The following SREK1 variants were observed in gnomAD, a reference collection of about 807,000 sequenced individuals.
SREK1 encodes splicing regulatory glutamine/lysine-rich protein 1.
SREK1 carries 13 observed loss-of-function variants against 66.5 expected under a neutral mutation model. That is an observed-to-expected ratio of 0.20 (90% CI 0.13 to 0.31). The LOEUF is 0.31. SREK1 is among the 10% of genes least tolerant of loss of function. The pLI is 1.00. For synonymous variants in SREK1, 265 were observed against 263.5 expected (o/e 1.01, Z -0.05); for missense variants, 607 against 769.6 (o/e 0.79, Z 2.50).
At chr5:66,169,157 G>GA (rs372497303) in intron 7 of SREK1, 60 of 152,254 alleles carry the variant, frequency 3.9e-4, no homozygotes, top group African/African-American at 1.3e-3. Flanking sequence ...ACCTCGTTAT[G>GA]AAAAAAATCA....
In SREK1 at chr5:66,149,388, A is replaced by T. The variant is rs913752910; in HGVS notation, c.162-4075A>T. ...AAAGAAAAGAAAAGAAAATTGCTTA[A>T]ATCAGTGGAGTAGCCGTACCTAATA... is the stretch of plus-strand genomic sequence containing the variant. On this transcript the variant is annotated intron_variant, in intron 1 of 11. Coordinates refer to ENST00000334121, the MANE Select transcript of SREK1 (RefSeq NM_001077199.3). 2.6e-5 allele frequency among the ~76,000 whole-genome samples: 4 copies of T among 152,258 alleles called. No homozygotes were observed. In the South Asian group the frequency reaches 8.3e-4, roughly 32 times the overall value.
intron 2 of SREK1, among the ~76,000 whole-genome samples, chr5:66,154,295 A>AT (rs1744100290): frequency 6.6e-6 from 1 of 152,198 alleles, no homozygotes; most frequent in Admixed American, 6.5e-5. Context: ...TATTACTAAT[A>AT]TTTTTTAGTA....
rs146231509 is a variant in SREK1, at chr5:66,172,983, C to T, written c.1485-1963C>T. On this transcript the variant is annotated intron_variant, in intron 9 of 11. Coordinates refer to ENST00000334121, the MANE Select transcript of SREK1 (RefSeq NM_001077199.3). ...TAGCTGGAATTACAGGCGTGTGCCACCACACTCAACTGATTTTTGTATTTT... is the reference window on the plus strand; with the variant it reads ...TAGCTGGAATTACAGGCGTGTGCCATCACACTCAACTGATTTTTGTATTTT... 1.5e-3 allele frequency among the ~76,000 whole-genome samples: 232 copies of T among 151,928 alleles called. 1 individual carries two copies. Among genetic ancestry groups the T allele is most frequent in the African/African-American group, 5.3e-3 (218 of 41,432 alleles).
intron 8 of SREK1, 139 bp downstream of exon 8, chr5:66,170,309 A>T: frequency 8.3e-7 from 1 of 1,203,750 alleles, no homozygotes; most frequent in Non-Finnish European, 1.1e-6. Flanking sequence ...AACCTTTTTT[A>T]TTGTTTTAGT....
At chr5:66,157,307 A>G in intron 2 of SREK1, 1 of 984,266 alleles carries the variant, frequency 1.0e-6, no homozygotes, top group Non-Finnish European at 1.2e-6. Context: ...AGTGTTGAAT[A>G]CCCTTTTTGT....
At chr5:66,176,124 G>A (rs1218420917) in intron 10 of SREK1, among the ~76,000 whole-genome samples, 1 of 152,030 alleles carries the variant, frequency 6.6e-6, no homozygotes, top group Non-Finnish European at 1.5e-5. Flanking sequence ...TGGCAAATGG[G>A]TTCAGTTTTA....
intron 11 of SREK1, 55 bp from the exon 12 acceptor site, chr5:66,178,664 T>C (rs901884588): frequency 6.8e-7 from 1 of 1,465,010 alleles, no homozygotes; most frequent in Middle Eastern, 1.8e-4. Flanking sequence ...TTTGTCGTCA[T>C]AGCAGGCAGT....
intron 6 of SREK1, chr5:66,164,497 T>G (rs1489492415): frequency 8.7e-7 from 1 of 1,143,184 alleles, no homozygotes; most frequent in Non-Finnish European, 1.2e-6. Flanking sequence ...GAGAAAGGAC[T>G]TAAAATCACT....
Position 66,182,171 on chromosome 5 carries a change from A to G in SREK1, c.*3303A>G, listed in dbSNP as rs1252191515. 1 of 149,676 alleles carries G rather than the reference A, an allele frequency of 6.7e-6. No individual in the cohort carries two copies. Among genetic ancestry groups the G allele is most frequent in the East Asian group, 2.1e-4 (1 of 4,754 alleles). The allele number at this position is 149,676 out of a possible 1,614,324, so 9.3% of individuals were successfully genotyped here. On this transcript the variant is annotated 3_prime_UTR_variant, in exon 12 of 12. Transcript: ENST00000334121. ...AATCCCTTTGGAGGGATGGCATTGA[A>G]TAACTTATAATTTCAGTGAATCATT...
chr5:66,151,003 G>C (rs973670065), intron 1 of SREK1, among the ~76,000 whole-genome samples: 1 of 152,062 alleles, frequency 6.6e-6, no homozygotes, highest in Non-Finnish European at 1.5e-5. Flanking sequence ...ACCACACCCA[G>C]CTAATTTTTG....
intron 2 of SREK1, among the ~76,000 whole-genome samples, chr5:66,154,294 T>TA (rs1744100034): frequency 6.6e-6 from 1 of 152,220 alleles, no homozygotes; most frequent in African/African-American, 2.4e-5. Flanking sequence ...TTATTACTAA[T>TA]ATTTTTTAGT....
rs1187928883 is a variant in SREK1 at position 66,180,179 on chromosome 5, G to A, written c.*1311G>A. The A allele has an allele frequency of 6.6e-6, 1 of 152,408 alleles. No homozygotes were observed. The highest frequency in any genetic ancestry group is 1.5e-5 in the Non-Finnish European group (1 of 67,958). The allele number at this position is 152,408 out of a possible 1,614,324, so 9.4% of individuals were successfully genotyped here. ...ACGTTTACTTGAGTTTAAGATACAG[G>A]TCATCCATCATTCTTAGGCTCACTT... On this transcript the variant is annotated 3_prime_UTR_variant, in exon 12 of 12. Coordinates refer to ENST00000334121, the MANE Select transcript of SREK1 (RefSeq NM_001077199.3).
intron 1 of SREK1, chr5:66,145,221 A>G (rs1313923697): frequency 2.1e-6 from 2 of 958,284 alleles, no homozygotes; most frequent in South Asian, 4.8e-5. Flanking sequence ...GTATACATTT[A>G]AAGTCCAGAT....
chr5:66,175,397 T>C (rs573502475), intron 10 of SREK1, among the ~76,000 whole-genome samples: 4 of 152,310 alleles, frequency 2.6e-5, no homozygotes, highest in Non-Finnish European at 5.9e-5. Flanking sequence ...TTTTTGTCAC[T>C]TAACTTACCA....
intron 10 of SREK1, among the ~76,000 whole-genome samples, chr5:66,175,298 G>A (rs1056486866): frequency 7.2e-5 from 11 of 152,104 alleles, no homozygotes; most frequent in Non-Finnish European, 8.8e-5. Flanking sequence ...ATAACAAGAT[G>A]AGAATGTATC....
intron 2 of SREK1, chr5:66,156,056 C>T: frequency 6.5e-7 from 1 of 1,532,476 alleles, no homozygotes; most frequent in Non-Finnish European, 8.7e-7. Context: ...GATATTTGTG[C>T]ATTATTAGAT....
In SREK1 at chr5:66,179,192, C is replaced by G. The variant is rs892816446; in HGVS notation, c.*324C>G. 1 of 179,034 alleles carries G rather than the reference C, an allele frequency of 5.6e-6. No individual in the cohort carries two copies. Among genetic ancestry groups the G allele is most frequent in the East Asian group, 1.4e-4 (1 of 7,252 alleles). The allele number at this position is 179,034 out of a possible 1,614,324, so 11.1% of individuals were successfully genotyped here. On this transcript the variant is annotated 3_prime_UTR_variant, in exon 12 of 12. Transcript: ENST00000334121. ...TGAACATCAAAGATCCAAGTTTGTACTATCCCTAAAGACTGGAGATAAGCA... is the reference window on the plus strand; with the variant it reads ...TGAACATCAAAGATCCAAGTTTGTAGTATCCCTAAAGACTGGAGATAAGCA...
At chr5:66,172,413 T>C (rs1341563290) in intron 9 of SREK1, among the ~76,000 whole-genome samples, 2 of 152,222 alleles carry the variant, frequency 1.3e-5, no homozygotes, top group East Asian at 1.9e-4. Flanking sequence ...TATATATTTT[T>C]TGAAACAGAG....
rs529054804 is a variant in SREK1 at position 66,159,991 on chromosome 5, G to A, written c.411+657G>A. On this transcript the variant is annotated intron_variant, in intron 3 of 11. Coordinates refer to ENST00000334121, the MANE Select transcript of SREK1 (RefSeq NM_001077199.3). The stretch of plus-strand genomic sequence containing the variant: ...TAAAAATACAAAAACTTCTCTGGGC[G>A]TGGTGGCGGGTGCCCGTAGTCCCAG... Among the ~76,000 whole-genome samples, 13 of 152,304 alleles carry A rather than the reference G, an allele frequency of 8.5e-5. 1 individual carries two copies. Among genetic ancestry groups the A allele is most frequent in the Admixed American group, 1.3e-4 (2 of 15,304 alleles).
Sources: allele counts gnomAD v4.1 joint callset (sites outside exome capture counted in the v4.1 genomes callset), GRCh38; gene constraint gnomAD v4.1.1; transcripts MANE v1.5; gene names NCBI Gene and HGNC (gene_info 2026-07-23, HGNC 2026-07-21).